The following TSPAN1 variants were observed in gnomAD, a reference collection of about 807,000 sequenced individuals.
The protein encoded by TSPAN1 is tetraspanin-1.
In TSPAN1, 23 loss-of-function variants were observed where a neutral mutation model predicts 26.9. That is an observed-to-expected ratio of 0.85 (90% CI 0.62 to 1.21). TSPAN1 has a LOEUF of 1.21. Ranked by LOEUF, TSPAN1 falls within the 50% of genes most tolerant of loss-of-function variation. The probability of loss-of-function intolerance (pLI) is 0.00; values close to 1 mark genes in which losing one functional copy is unlikely to be tolerated. For synonymous variants in TSPAN1, 115 were observed against 114.8 expected (o/e 1.00, Z -0.01); for missense variants, 283 against 298.4 (o/e 0.95, Z 0.38).
At chr1:46,194,715 C>T in the TSPAN1 span, 3 of 1,614,032 alleles carry the variant, frequency 1.9e-6, no homozygotes, top group African/African-American at 2.7e-5. Context: ...TTTTTCCCAT[C>T]TCCCTGCCTA....
chr1:46,194,611 G>T, the TSPAN1 span: 1 of 1,614,212 alleles, frequency 6.2e-7, no homozygotes, highest in Non-Finnish European at 8.5e-7. Flanking sequence ...CCCAGGAAGA[G>T]AGGGCAGGTG....
the TSPAN1 span, chr1:46,194,267 C>T: frequency 2.5e-6 from 4 of 1,614,190 alleles, no homozygotes; most frequent in East Asian, 8.9e-5. Flanking sequence ...CTTAAGGCCC[C>T]ACTCACTGGG....
intron 1 of TSPAN1, chr1:46,176,201 C>T: frequency 6.5e-7 from 1 of 1,534,246 alleles, no homozygotes; most frequent in Non-Finnish European, 8.7e-7. Flanking sequence ...TAAAACCCCA[C>T]CCTGGCTCAC....
At position 46,184,170 on chromosome 1, in the gene TSPAN1, G is replaced by C. The variant is rs745845911; in HGVS notation, c.58-21G>C. Reference sequence around the variant, plus strand: ...TACTTGCCAGCACTGTTTAAGGCCTGCCTGACCTCTCTCTCCCCAGCTGTG... The same window carrying C: ...TACTTGCCAGCACTGTTTAAGGCCTCCCTGACCTCTCTCTCCCCAGCTGTG... On this transcript the variant is annotated intron_variant, in intron 3 of 8. Transcript: ENST00000372003. 5.6e-6 allele frequency: 9 copies of C among 1,613,768 alleles called. No individual in the cohort carries two copies. In the African/African-American group the frequency reaches 1.2e-4, roughly 22 times the overall value.
At position 46,180,647 on chromosome 1, in the gene TSPAN1, A is replaced by C. The variant is rs1657294705; in HGVS notation, c.-20A>C. ...CCCTCTTTCAGAACTCACTGCCAAG[A>C]GCCCTGAACAGGTAATGGGATAGGG... On this transcript the variant is annotated 5_prime_UTR_variant, in exon 2 of 9. Coordinates refer to ENST00000372003, the MANE Select transcript of TSPAN1 (RefSeq NM_005727.4). The C allele has an allele frequency of 1.3e-5, 2 of 155,198 alleles. No homozygotes were observed. Among genetic ancestry groups the C allele is most frequent in the African/African-American group, 2.4e-5 (1 of 41,534 alleles). 9.6% of individuals were successfully genotyped at this position (155,198 alleles called of 1,614,324 possible).
chr1:46,181,819 T>C (rs1169129835), intron 3 of TSPAN1, among the ~76,000 whole-genome samples: 2 of 152,146 alleles, frequency 1.3e-5, no homozygotes, highest in South Asian at 2.1e-4. Context: ...CTGGAGGAAA[T>C]AGCTGAAGCT....
intron 3 of TSPAN1, among the ~76,000 whole-genome samples, chr1:46,181,396 AC>A (rs1657312571): frequency 6.6e-6 from 1 of 152,004 alleles, no homozygotes. Flanking sequence ...AGCTAGGGGC[AC>A]CCCCTCTCTC....
intron 1 of TSPAN1, 135 bp downstream of exon 1, chr1:46,175,544 G>A: frequency 2.5e-6 from 1 of 399,030 alleles, no homozygotes; most frequent in Non-Finnish European, 4.4e-6. Context: ...GGAGATGCAG[G>A]TCCAGGGCAA....
intron 3 of TSPAN1, among the ~76,000 whole-genome samples, chr1:46,181,898 C>T (rs564383401): frequency 3.9e-5 from 6 of 152,146 alleles, no homozygotes; most frequent in Non-Finnish European, 7.4e-5. Flanking sequence ...AACTTGATAT[C>T]GTTCAGAAAA....
At chr1:46,194,695 G>GT in the TSPAN1 span, 1 of 1,614,252 alleles carries the variant, frequency 6.2e-7, no homozygotes, top group Non-Finnish European at 8.5e-7. Context: ...CCAGACACCA[G>GT]TTTGGGGGCT....
rs552382273 is a variant in TSPAN1 at position 46,177,085 on chromosome 1, A to G, written c.-142+1676A>G. ...CATGGTGGCTCAAGCCTGTAATCCC[A>G]GCACTTTGGGAGGCCGAGGTGGGCA... On this transcript the variant is annotated intron_variant, in intron 1 of 8. Transcript: ENST00000372003. Among the ~76,000 whole-genome samples, 611 of 152,328 alleles carry G rather than the reference A, an allele frequency of 4.0e-3. 1 individual carries two copies. The highest frequency in any genetic ancestry group is 5.8e-3 in the Non-Finnish European group (393 of 68,022).
At chr1:46,196,030 A>T in the TSPAN1 span, 5 of 1,613,892 alleles carry the variant, frequency 3.1e-6, no homozygotes, top group East Asian at 1.1e-4. This position sits in a 1 kb window ranked among gnomAD's most constrained non-coding sequence, Gnocchi z 4.4. Flanking sequence ...GGTTGAGGAC[A>T]ATGACATGGA....
the TSPAN1 span, chr1:46,193,677 C>A: frequency 1.2e-6 from 2 of 1,613,548 alleles, no homozygotes; most frequent in Non-Finnish European, 1.7e-6. Context: ...CACTTCATCA[C>A]CCCTCAACTC....
intron 3 of TSPAN1, 97 bp downstream of exon 3, chr1:46,181,261 A>G: frequency 7.9e-7 from 1 of 1,259,494 alleles, no homozygotes; most frequent in Non-Finnish European, 1.1e-6. Context: ...TGCTATGCCC[A>G]GGCTTCGTCC....
intron 1 of TSPAN1, 105 bp downstream of exon 1, chr1:46,175,514 C>T: frequency 2.5e-6 from 1 of 398,752 alleles, no homozygotes; most frequent in Admixed American, 4.4e-5. Context: ...ATTTGTTGTT[C>T]ACCACCCACA....
intron 3 of TSPAN1, chr1:46,183,654 A>G (rs574169675): frequency 2.5e-4 from 42 of 170,298 alleles, no homozygotes; most frequent in African/African-American, 9.2e-4. Context: ...CTGAAGTTGG[A>G]TTCTGGAGGG....
At chr1:46,194,495 G>A in the TSPAN1 span, 6 of 1,614,002 alleles carry the variant, frequency 3.7e-6, no homozygotes, top group Admixed American at 8.3e-5. Flanking sequence ...TCCACAGAGA[G>A]ATCTAAATGC....
At chr1:46,190,142 A>AGGC (rs1657646948), downstream of TSPAN1, 2 of 926,028 alleles carry the variant, frequency 2.2e-6, no homozygotes, top group Non-Finnish European at 3.1e-6. Context: ...TCTGTCGCCC[A>AGGC]GGCTGGAGTC....
Position 46,180,698 on chromosome 1 carries a change from T to C in TSPAN1, c.-9+40T>C, listed in dbSNP as rs117048692. 3.1e-4 allele frequency: 62 copies of C among 198,450 alleles called. 2 individuals are homozygous for C. In the East Asian group the frequency reaches 6.9e-3, roughly 22 times the overall value. The allele number at this position is 198,450 out of a possible 1,614,324, so 12.3% of individuals were successfully genotyped here. A position where few individuals can be genotyped will look rare whatever the true frequency, so the allele number is the denominator to read the frequency against. ...ATACAGATTATCCTGTGAAGTGATA[T>C]CGATCTGGAAACAGGTCTGGGGAGC... On this transcript the variant is annotated intron_variant, in intron 2 of 8. Coordinates refer to ENST00000372003, the MANE Select transcript of TSPAN1 (RefSeq NM_005727.4).
Sources: allele counts gnomAD v4.1 joint callset (sites outside exome capture counted in the v4.1 genomes callset), GRCh38; gene constraint gnomAD v4.1.1; non-coding constraint Gnocchi (gnomAD v3.1); transcripts MANE v1.5; gene names NCBI Gene and HGNC (gene_info 2026-07-23, HGNC 2026-07-21).